TMPO: variants seen among roughly 807,000 people sequenced by gnomAD.
TMPO encodes thymopoietin, also known as LEM domain containing 4.
Under a neutral mutation model 45.4 loss-of-function variants are expected in TMPO, and 22 were observed. The ratio of observed to expected loss-of-function variants is 0.48; its 90% CI spans 0.35 to 0.69. The LOEUF (loss-of-function observed/expected upper bound fraction) is 0.69. Ranked by LOEUF, TMPO falls within the 30% of genes least tolerant of loss-of-function variation. The pLI is 0.01. For synonymous variants in TMPO, 241 were observed against 204.1 expected (o/e 1.18, Z -1.54); for missense variants, 512 against 548.8 (o/e 0.93, Z 0.67).
In TMPO at chr12:98,521,435, TAAG is replaced by T. The variant is rs1876359221; in HGVS notation, c.279+5292_279+5294del. On this transcript the variant is annotated intron_variant, in intron 1 of 8. Coordinates refer to ENST00000556029, the MANE Select transcript of TMPO (RefSeq NM_001032283.3). Reference sequence around the variant, plus strand: ...CCTATGGGGAACATTTTTAATTAAATAAGAAATTGTTTCATTTCAGCTTCTACC... The same window carrying T: ...CCTATGGGGAACATTTTTAATTAAATAAATTGTTTCATTTCAGCTTCTACC... Among the ~76,000 whole-genome samples, 4 of 152,156 alleles carry T rather than the reference TAAG, an allele frequency of 2.6e-5. No individual in the cohort carries two copies. In the South Asian group the frequency reaches 8.3e-4, roughly 32 times the overall value.
chr12:98,516,064 C>A lies in TMPO; in HGVS notation c.197C>A (p.Ser66Tyr), dbSNP rs1875767340. ...AACAGCAAGGGGCCCCCGGACTTCT[C>A]CAGTGACGAAGAGCGCGAGCCCACC... is the stretch of plus-strand genomic sequence containing the variant. ...GTNSKGPPDFSSDEEREPTPV... is the reference protein window; with the variant it reads ...GTNSKGPPDFYSDEEREPTPV... The change falls in exon 1 of 9, where the codon TCC (serine) becomes TAC (tyrosine). Residue 66 changes from serine (S) to tyrosine (Y), a missense_variant. Ser to Tyr is a moderately radical substitution (Grantham distance 144). Transcript: ENST00000556029. 2 of 1,608,806 alleles carry A rather than the reference C, an allele frequency of 1.2e-6. No homozygotes were observed. Among genetic ancestry groups the A allele is most frequent in the Non-Finnish European group, 1.7e-6 (2 of 1,179,040 alleles).
intron 3 of TMPO, chr12:98,533,240 ATAT>A (rs1877323772): frequency 1.9e-6 from 3 of 1,613,864 alleles, no homozygotes; most frequent in Non-Finnish European, 1.7e-6. Flanking sequence ...ATAGTAGAAA[ATAT>A]TTGCGGTAGA....
chr12:98,547,517 C>G, intron 8 of TMPO, 56 bp from the exon 9 acceptor site: 1 of 1,604,146 alleles, frequency 6.2e-7, no homozygotes, highest in South Asian at 1.1e-5. Context: ...TGTTATTTCT[C>G]TAAATCATGC....
intron 8 of TMPO, 134 bp downstream of exon 8, chr12:98,546,581 C>T: frequency 1.4e-6 from 1 of 715,424 alleles, no homozygotes; most frequent in Admixed American, 2.1e-5. Context: ...ATGGTACATG[C>T]CTGTAGTCCC....
At chr12:98,542,616 C>T (rs1184795410) in intron 4 of TMPO, among the ~76,000 whole-genome samples, 1 of 152,172 alleles carries the variant, frequency 6.6e-6, no homozygotes, top group East Asian at 1.9e-4. Flanking sequence ...AATCCCCGCA[C>T]TTTGGGAGGC....
intron 1 of TMPO, among the ~76,000 whole-genome samples, chr12:98,526,970 A>G (rs1876811577): frequency 1.3e-5 from 2 of 152,100 alleles, no homozygotes; most frequent in South Asian, 4.1e-4. Flanking sequence ...AAAAAAAAGA[A>G]AAAGAAAAGA....
chr12:98,527,764 A>C, intron 1 of TMPO, 122 bp from the exon 2 acceptor site: 79 of 1,018,590 alleles, frequency 7.8e-5, no homozygotes, highest in Non-Finnish European at 1.1e-4. Flanking sequence ...TGGAATTGCT[A>C]AGGCCTAATA....
In TMPO at chr12:98,515,965, G is replaced by T; in HGVS notation, c.98G>T (p.Arg33Leu). ...NNVTLPAGEQ[R>L]KDVYVQLYLQ... ...GTGACGCTGCCGGCCGGGGAGCAGC[G>T]CAAAGACGTGTACGTCCAGCTCTAC... The change falls in exon 1 of 9, where the codon CGC (arginine) becomes CTC (leucine). Residue 33 changes from arginine to leucine, a missense_variant. By Grantham distance (102) the Arg-to-Leu change is moderately radical. Around this residue, in one of 3 missense-constraint regions of TMPO, gnomAD observed 299 missense variants for 296.7 expected, o/e 1.01. Transcript: ENST00000556029. 6.2e-7 allele frequency: 1 copy of T among 1,613,144 alleles called. No individual in the cohort carries two copies. Among genetic ancestry groups the T allele is most frequent in the South Asian group, 1.1e-5 (1 of 91,082 alleles).
chr12:98,528,868 A>T lies in TMPO; in HGVS notation c.406+856A>T, dbSNP rs958401861. ...CAGCTACTTAGGAGGCTGAGGCAGGAGGATTGCTTGAGATGGTGGGGGGAA... is the reference window on the plus strand; with the variant it reads ...CAGCTACTTAGGAGGCTGAGGCAGGTGGATTGCTTGAGATGGTGGGGGGAA... On this transcript the variant is annotated intron_variant, in intron 2 of 8. Transcript: ENST00000556029. 3.2e-4 allele frequency among the ~76,000 whole-genome samples: 48 copies of T among 152,116 alleles called. 1 individual carries two copies. The highest frequency in any genetic ancestry group is 1.1e-3 in the African/African-American group (46 of 41,508).
intron 1 of TMPO, chr12:98,516,508 A>G (rs760518709): frequency 8.0e-5 from 86 of 1,071,828 alleles, no homozygotes; most frequent in Admixed American, 1.6e-4. Context: ...GTGGCCCCAA[A>G]ATGCTATAGG....
intron 1 of TMPO, chr12:98,527,567 C>A (rs1231276383): frequency 2.3e-5 from 5 of 215,616 alleles, no homozygotes; most frequent in South Asian, 7.4e-5. Flanking sequence ...AAATGTTACC[C>A]AAAGTCAGTT....
chr12:98,522,042 G>T (rs992802368), intron 1 of TMPO, among the ~76,000 whole-genome samples: 3 of 151,920 alleles, frequency 2.0e-5, no homozygotes, highest in Non-Finnish European at 4.4e-5. Flanking sequence ...GTGTTTGTTT[G>T]TTTTTTTAAG....
Position 98,538,644 on chromosome 12 carries a change from C to T in TMPO, c.663+1072C>T, listed in dbSNP as rs747877680. Among the ~76,000 whole-genome samples the T allele has an allele frequency of 7.6e-4, 116 of 152,024 alleles. 1 individual carries two copies. Among genetic ancestry groups the T allele is most frequent in the South Asian group, 4.1e-4 (2 of 4,822 alleles). The stretch of plus-strand genomic sequence containing the variant: ...CTGGGATTACAGGTGTGAGCCACCG[C>T]GCCCAGCCTGTTTGTCGTTTTAAAA... On this transcript the variant is annotated intron_variant, in intron 4 of 8. Transcript: ENST00000556029.
chr12:98,528,503 T>TC (rs1876950946), intron 2 of TMPO, among the ~76,000 whole-genome samples: 1 of 152,064 alleles, frequency 6.6e-6, no homozygotes, highest in African/African-American at 2.4e-5. Context: ...GGTCTCGATC[T>TC]TCTGACCTTG....
intron 8 of TMPO, among the ~76,000 whole-genome samples, chr12:98,546,827 AC>A (rs1166834580): frequency 6.6e-6 from 1 of 152,220 alleles, no homozygotes; most frequent in Non-Finnish European, 1.5e-5. Flanking sequence ...CTTACTTACT[AC>A]TTAAATTCAT....
chr12:98,520,272 C>CCTTCCTTCCTTCCTTCCTTCCTT (rs1876233151), intron 1 of TMPO, among the ~76,000 whole-genome samples: 1 of 107,206 alleles, frequency 9.3e-6, no homozygotes, highest in Non-Finnish European at 1.9e-5. Context: ...CCATATTTTT[C>CCTTCCTTCCTTCCTTCCTTCCTT]CCTTCCTTCC....
chr12:98,540,957 A>T (rs1877880978), intron 4 of TMPO, among the ~76,000 whole-genome samples: 2 of 152,228 alleles, frequency 1.3e-5, no homozygotes, highest in Admixed American at 6.5e-5. Flanking sequence ...TGGTTCTAAC[A>T]GCCATTGTCA....
At chr12:98,544,788 G>T (rs2121251565) in intron 6 of TMPO, 163 bp from the exon 7 acceptor site, 2 of 672,086 alleles carry the variant, frequency 3.0e-6, no homozygotes, top group African/African-American at 3.6e-5. Context: ...GAAGAATGAG[G>T]CTTCATATGT....
chr12:98,544,964 T>A lies in TMPO; in HGVS notation c.893T>A (p.Val298Glu). ...GAATCTTGGCAGGTTGTCAATAGGG[T>A]GACTGGAAATTTCAAGCATGCATCT... ...SSNESLVVNR[V>E]TGNFKHASPI... The change falls in exon 7 of 9, where the codon GTG becomes GAG. Residue 298 changes from valine (V) to glutamate (E), a missense_variant. Around this residue, in one of 3 missense-constraint regions of TMPO, gnomAD observed 209 missense variants for 235.1 expected, o/e 0.89. Coordinates refer to ENST00000556029, the MANE Select transcript of TMPO (RefSeq NM_001032283.3). The A allele has an allele frequency of 6.2e-7, 1 of 1,612,386 alleles. No homozygotes were observed. Among genetic ancestry groups the A allele is most frequent in the Non-Finnish European group, 8.5e-7 (1 of 1,179,452 alleles).
Sources: gnomAD v4.1 joint callset for allele counts (sites outside exome capture counted in the v4.1 genomes callset) on GRCh38, gnomAD v4.1.1 for gene constraint, gnomAD v4.1.1 regional missense constraint, MANE v1.5 for transcripts, NCBI Gene and HGNC (gene_info 2026-07-23, HGNC 2026-07-21) for gene names.